RBFOX1: variants seen among roughly 807,000 people sequenced by gnomAD.
RBFOX1 encodes RNA binding protein fox-1 homolog 1.
A neutral mutation model predicts 57.7 loss-of-function variants in RBFOX1; 8 were observed. The observed-to-expected ratio is 0.14, with a 90% CI of 0.08 to 0.25. The LOEUF (loss-of-function observed/expected upper bound fraction) is 0.25, where lower values mean the gene tolerates loss of function less well. Among genes scored for constraint, RBFOX1 ranks in the 10% least tolerant of loss-of-function variants. The pLI, the probability that RBFOX1 is intolerant of heterozygous loss-of-function variation, is 1.00. For synonymous variants in RBFOX1, 326 were observed against 222.4 expected, an observed-to-expected ratio of 1.47 and a Z score of -4.15; for missense variants, 611 against 548.5, an observed-to-expected ratio of 1.11 and a Z score of -1.14.
At chr16:7,085,401 T>G (rs976589569) in intron 4 of RBFOX1, among the ~76,000 whole-genome samples, 5 of 152,162 alleles carry the variant, frequency 3.3e-5, no homozygotes, top group African/African-American at 1.2e-4. Flanking sequence ...ATCTCTTGGT[T>G]TTTAAATATT....
intron 2 of RBFOX1, among the ~76,000 whole-genome samples, chr16:6,575,314 A>G (rs11077050): frequency 0.5 from 75,470 of 151,920 alleles, 19,393 homozygotes; most frequent in East Asian, 0.67. Flanking sequence ...TTGTATATTT[A>G]TATTTTCTTC....
At chr16:5,901,413 A>AAT (rs1187169751) in intron 4 of RBFOX1, among the ~76,000 whole-genome samples, 2 of 152,168 alleles carry the variant, frequency 1.3e-5, no homozygotes, top group African/African-American at 4.8e-5. Context: ...GTAAGGATGA[A>AAT]ATATAACTCC....
chr16:6,590,244 C>G lies in RBFOX1; in HGVS notation c.-63-64359C>G, dbSNP rs144247104. On this transcript the variant is annotated intron_variant, in intron 2 of 15. Coordinates refer to ENST00000550418, the MANE Select transcript of RBFOX1 (RefSeq NM_018723.4). Reference sequence around the variant, plus strand: ...CTTTTCTTTGATTCAGTTCGATTATCTTTCATGATCCTCAGAAATTGTACT... The same window carrying G: ...CTTTTCTTTGATTCAGTTCGATTATGTTTCATGATCCTCAGAAATTGTACT... Among the ~76,000 whole-genome samples, 8 of 152,270 alleles carry G rather than the reference C, an allele frequency of 5.3e-5. No homozygotes were observed. The East Asian group carries it at 1.5e-3, about 29-fold the overall frequency.
At chr16:6,135,498 T>C (rs1167249941) in intron 1 of RBFOX1, among the ~76,000 whole-genome samples, 1 of 152,036 alleles carries the variant, frequency 6.6e-6, no homozygotes, top group Non-Finnish European at 1.5e-5. Flanking sequence ...TTGAGGCAAA[T>C]TGGAGGGATC....
At chr16:7,464,675 T>C (rs2060172108) in intron 4 of RBFOX1, among the ~76,000 whole-genome samples, 1 of 149,600 alleles carries the variant, frequency 6.7e-6, no homozygotes, top group East Asian at 2.0e-4. Context: ...GAAATACTTC[T>C]TGTATTGTCT....
intron 2 of RBFOX1, among the ~76,000 whole-genome samples, chr16:5,593,136 A>G (rs1017937348): frequency 6.6e-6 from 1 of 151,546 alleles, no homozygotes; most frequent in Non-Finnish European, 1.5e-5. Flanking sequence ...TGTGGCACAT[A>G]TACACCATGG....
At chr16:6,550,112 C>G (rs573665406) in intron 2 of RBFOX1, among the ~76,000 whole-genome samples, 11 of 152,220 alleles carry the variant, frequency 7.2e-5, no homozygotes, top group African/African-American at 2.6e-4. Flanking sequence ...TTTTTCTCTT[C>G]GCTCTGTTTG....
At chr16:6,147,016 T>G (rs17803433) in intron 1 of RBFOX1, among the ~76,000 whole-genome samples, 18,680 of 152,166 alleles carry the variant, frequency 0.12, 1,522 homozygotes, top group Middle Eastern at 0.19. Flanking sequence ...AAGGGCCATC[T>G]GTAGACTCAC....
At chr16:7,076,555 C>T (rs2058334291) in intron 4 of RBFOX1, among the ~76,000 whole-genome samples, 2 of 152,072 alleles carry the variant, frequency 1.3e-5, no homozygotes, top group African/African-American at 4.8e-5. Context: ...AAATGGAACA[C>T]CTGTGGGATG....
intron 3 of RBFOX1, among the ~76,000 whole-genome samples, chr16:5,750,361 C>G (rs1008937559): frequency 6.6e-6 from 1 of 152,166 alleles, no homozygotes; most frequent in Non-Finnish European, 1.5e-5. Context: ...ATGTCAAACT[C>G]CATGCTGGGA....
chr16:6,726,882 G>T (rs1234052603), intron 3 of RBFOX1, among the ~76,000 whole-genome samples: 1 of 151,964 alleles, frequency 6.6e-6, no homozygotes, highest in African/African-American at 2.4e-5. Flanking sequence ...ATTATTATTG[G>T]CTGTGCTATA....
At chr16:6,018,872 A>G, upstream of RBFOX1, among the ~76,000 whole-genome samples, 1 of 151,952 alleles carries the variant, frequency 6.6e-6, no homozygotes, top group Non-Finnish European at 1.5e-5. Flanking sequence ...CCAGCATCCA[A>G]CTTTCACCCT....
chr16:7,121,197 G>C (rs953021494), intron 4 of RBFOX1, among the ~76,000 whole-genome samples: 3 of 151,970 alleles, frequency 2.0e-5, no homozygotes, highest in South Asian at 2.1e-4. Context: ...CTCCATTAGA[G>C]CAGGAACAAG....
At chr16:5,669,985 C>T (rs1461380854) in intron 3 of RBFOX1, among the ~76,000 whole-genome samples, 1 of 152,154 alleles carries the variant, frequency 6.6e-6, no homozygotes, top group Non-Finnish European at 1.5e-5. Flanking sequence ...ATCCATACAG[C>T]AGAGTATTTT....
At chr16:7,429,683 A>T (rs749226940) in intron 4 of RBFOX1, among the ~76,000 whole-genome samples, 1 of 152,208 alleles carries the variant, frequency 6.6e-6, no homozygotes, top group Non-Finnish European at 1.5e-5. Flanking sequence ...GGACATGGCA[A>T]AGGTAGATAA....
intron 4 of RBFOX1, among the ~76,000 whole-genome samples, chr16:7,054,484 G>T (rs1231139569): frequency 2.1e-5 from 3 of 142,610 alleles, no homozygotes; most frequent in African/African-American, 7.5e-5. Context: ...CTCGTGATCC[G>T]CCAGCCTCGG....
At chr16:6,354,962 C>T (rs1211002044) in intron 2 of RBFOX1, among the ~76,000 whole-genome samples, 1 of 152,058 alleles carries the variant, frequency 6.6e-6, no homozygotes, top group African/African-American at 2.4e-5. Flanking sequence ...TCCTAAAAAG[C>T]CATAGGTAGT....
intron 3 of RBFOX1, among the ~76,000 whole-genome samples, chr16:6,824,205 G>C (rs2091790106): frequency 6.6e-6 from 1 of 152,190 alleles, no homozygotes; most frequent in African/African-American, 2.4e-5. Flanking sequence ...AGGAGTTCGA[G>C]ACCAGTCTGG....
At chr16:5,403,108 T>C (rs13330117) in intron 1 of RBFOX1, among the ~76,000 whole-genome samples, 18,897 of 151,940 alleles carry the variant, frequency 0.12, 1,997 homozygotes, top group African/African-American at 0.28. Flanking sequence ...TCCCACCACT[T>C]TGGGGGCCCA....
Sources: allele counts gnomAD v4.1 joint callset (sites outside exome capture counted in the v4.1 genomes callset), GRCh38; gene constraint gnomAD v4.1.1; transcripts MANE v1.5; gene names NCBI Gene and HGNC (gene_info 2026-07-23, HGNC 2026-07-21).